The following VDAC2 variants were observed in gnomAD, a reference collection of about 807,000 sequenced individuals.
VDAC2 encodes the protein voltage dependent anion channel 2.
Under a neutral mutation model 36.6 loss-of-function variants are expected in VDAC2, and 6 were observed. The observed-to-expected ratio is 0.16, with a 90% confidence interval of 0.09 to 0.32. VDAC2 has a LOEUF of 0.32. VDAC2 is among the 10% of genes least tolerant of loss of function. The pLI is 1.00. For synonymous variants in VDAC2, 109 were observed against 123.8 expected (o/e 0.88, Z 0.79); for missense variants, 247 against 346.0 (o/e 0.71, Z 2.27).
In VDAC2 at chr10:75,214,006, G is replaced by A; in HGVS notation, c.101-15G>A. 1.9e-6 allele frequency: 3 copies of A among 1,612,270 alleles called. No homozygotes were observed. The highest frequency in any genetic ancestry group is 1.1e-5 in the South Asian group (1 of 90,946). On this transcript the variant is annotated splice_polypyrimidine_tract_variant and intron_variant, in intron 3 of 9. Transcript: ENST00000332211. ...AAGGAATCATTTTGTTTCTTTTGCTGTCTATTTGTTGAAGGTTTTGGGTTG... is the reference window on the plus strand; with the variant it reads ...AAGGAATCATTTTGTTTCTTTTGCTATCTATTTGTTGAAGGTTTTGGGTTG...
chr10:75,219,636 C>T (rs1475008945), intron 6 of VDAC2, among the ~76,000 whole-genome samples: 2 of 152,034 alleles, frequency 1.3e-5, no homozygotes, highest in African/African-American at 4.8e-5. Flanking sequence ...AGGTGCGTGC[C>T]ACCACGCCCA....
chr10:75,223,730 G>T (rs1161001337), intron 8 of VDAC2, among the ~76,000 whole-genome samples: 2 of 152,220 alleles, frequency 1.3e-5, no homozygotes, highest in African/African-American at 4.8e-5. Flanking sequence ...GCTTCGGGCT[G>T]GAGGCTAGTC....
chr10:75,217,264 A>T (rs1169175798), intron 4 of VDAC2, among the ~76,000 whole-genome samples: 4 of 152,178 alleles, frequency 2.6e-5, no homozygotes, highest in Admixed American at 6.6e-5. Flanking sequence ...CTCCAAAAAA[A>T]ACCGCAAAAT....
intron 3 of VDAC2, among the ~76,000 whole-genome samples, chr10:75,213,266 G>A (rs939899862): frequency 6.6e-6 from 1 of 150,576 alleles, no homozygotes; most frequent in South Asian, 2.1e-4. Context: ...TTTTAGTAGA[G>A]ACGAGGTTTC....
chr10:75,214,103 C>A (rs777899880), intron 4 of VDAC2, 33 bp downstream of exon 4: 2 of 1,602,702 alleles, frequency 1.2e-6, no homozygotes, highest in Non-Finnish European at 1.7e-6. Flanking sequence ...TTCTATTGAA[C>A]CTTTATAATT....
chr10:75,222,810 C>T (rs1041761681), intron 8 of VDAC2, among the ~76,000 whole-genome samples: 1 of 152,020 alleles, frequency 6.6e-6, no homozygotes, highest in East Asian at 1.9e-4. Context: ...CAACCTCAGC[C>T]TCCTACTATT....
intron 6 of VDAC2, among the ~76,000 whole-genome samples, chr10:75,220,109 A>G (rs543888510): frequency 2.7e-5 from 4 of 150,762 alleles, no homozygotes; most frequent in African/African-American, 9.8e-5. Flanking sequence ...TACAGGTGTG[A>G]GCCACCGCTC....
At chr10:75,210,420 G>A (rs1229743342), upstream of VDAC2, among the ~76,000 whole-genome samples, 1 of 152,196 alleles carries the variant, frequency 6.6e-6, no homozygotes. Context: ...GCGCGTAAGG[G>A]GAGTAGGAGA....
intron 2 of VDAC2, chr10:75,211,459 A>G (rs1367043725): frequency 6.7e-7 from 1 of 1,499,940 alleles, no homozygotes; most frequent in Non-Finnish European, 8.9e-7. Flanking sequence ...AAAAGTTGTT[A>G]ATTGGGGATT....
intron 8 of VDAC2, among the ~76,000 whole-genome samples, chr10:75,228,580 G>A (rs1274589641): frequency 1.3e-5 from 2 of 152,226 alleles, no homozygotes; most frequent in African/African-American, 4.8e-5. Flanking sequence ...ATGGTCATTG[G>A]TAGCTCATGA....
intron 4 of VDAC2, among the ~76,000 whole-genome samples, chr10:75,217,406 C>G (rs180838042): frequency 7.9e-5 from 12 of 152,290 alleles, no homozygotes; most frequent in Non-Finnish European, 1.3e-4. Flanking sequence ...TGGAGTCTCA[C>G]TCACTCCATC....
At chr10:75,211,310 T>C in intron 2 of VDAC2, 121 bp downstream of exon 2, 1 of 1,461,066 alleles carries the variant, frequency 6.8e-7, no homozygotes, top group Non-Finnish European at 9.3e-7. Flanking sequence ...CTTTTGGTGG[T>C]CGCCCCACCG....
intron 1 of VDAC2, 49 bp from the exon 2 acceptor site, chr10:75,211,085 C>A (rs542591940): frequency 1.0e-5 from 16 of 1,548,150 alleles, no homozygotes; most frequent in Non-Finnish European, 1.3e-5. Context: ...CCGGGATCTC[C>A]CTTTGGCCCT....
chr10:75,215,607 C>T (rs963633274), intron 4 of VDAC2, among the ~76,000 whole-genome samples: 1 of 152,170 alleles, frequency 6.6e-6, no homozygotes, highest in Non-Finnish European at 1.5e-5. Context: ...CCACCTCGGG[C>T]TCCCAAAGTG....
intron 8 of VDAC2, among the ~76,000 whole-genome samples, chr10:75,226,168 G>C (rs1284996590): frequency 6.6e-6 from 1 of 152,068 alleles, no homozygotes; most frequent in South Asian, 2.1e-4. Context: ...TTGTACTCTT[G>C]TAGATATGTC....
intron 3 of VDAC2, 82 bp from the exon 4 acceptor site, chr10:75,213,939 T>A (rs1841516009): frequency 7.2e-7 from 1 of 1,382,548 alleles, no homozygotes. Flanking sequence ...AATCTTTTTG[T>A]TTTTTATGTA....
Position 75,230,937 on chromosome 10 carries a change from G to T in VDAC2, c.833G>T (p.Ser278Ile). Residue 278 changes from serine to isoleucine, a missense_variant, in exon 10 of 10, where the codon AGC becomes ATC. Physicochemically the swap from Ser to Ile is moderately radical, Grantham distance 142. This residue lies in a region of VDAC2 where 159 missense variants were observed against 234.0 expected (regional missense o/e 0.68). Transcript: ENST00000332211. ...LTLSALVDGK[S>I]INAGGHKVGL... ...CTCTCTGCTCTGGTAGATGGGAAGA[G>T]CATTAATGCTGGAGGCCACAAGGTT... 6.2e-7 allele frequency: 1 copy of T among 1,613,526 alleles called. No individual in the cohort carries two copies. The highest frequency in any genetic ancestry group is 8.5e-7 in the Non-Finnish European group (1 of 1,179,784).
In VDAC2 at chr10:75,212,250, T is replaced by C; in HGVS notation, c.52T>C (p.Tyr18His). Residue 18 changes from tyrosine to histidine, a missense_variant, in exon 3 of 10, where the codon TAT becomes CAT. This residue lies in a region of VDAC2 where 76 missense variants were observed against 76.9 expected (regional missense o/e 0.99). Coordinates refer to ENST00000332211, the MANE Select transcript of VDAC2 (RefSeq NM_001391963.1). ...ACCAGCAATGTGTATTCCTCCATCA[T>C]ATGCTGACCTTGGCAAAGCTGCCAG... ...CARPMCIPPS[Y>H]ADLGKAARDI... is the part of the protein sequence containing the mutation. 6.2e-7 allele frequency: 1 copy of C among 1,613,820 alleles called. No homozygotes were observed. The highest frequency in any genetic ancestry group is 1.1e-5 in the South Asian group (1 of 91,018).
At chr10:75,227,577 ATTTTTTT>A (rs35378957) in intron 8 of VDAC2, among the ~76,000 whole-genome samples, 2 of 99,928 alleles carry the variant, frequency 2.0e-5, no homozygotes, top group African/African-American at 4.5e-5. Flanking sequence ...AATAATAGGA[ATTTTTTT>A]TTTTTTTTTT....
Sources: allele counts gnomAD v4.1 joint callset (sites outside exome capture counted in the v4.1 genomes callset), GRCh38; gene constraint gnomAD v4.1.1; regional missense constraint gnomAD v4.1.1; transcripts MANE v1.5; gene names NCBI Gene and HGNC (gene_info 2026-07-23, HGNC 2026-07-21).